Variants in PDGFD observed in about 807,000 individuals in gnomAD.
PDGFD encodes the protein platelet derived growth factor D, also known as platelet-derived growth factor D.
PDGFD carries 30 observed loss-of-function variants against 44.7 expected under a neutral mutation model. That is an observed-to-expected ratio of 0.67 (90% confidence interval 0.50 to 0.91). The LOEUF (loss-of-function observed/expected upper bound fraction) is 0.91, where lower values mean the gene tolerates loss of function less well. Ranked by LOEUF, PDGFD falls within the 40% of genes least tolerant of loss-of-function variation. The pLI, the probability that PDGFD is intolerant of heterozygous loss-of-function variation, is 0.00. For synonymous variants in PDGFD, 173 were observed against 168.4 expected (o/e 1.03, Z -0.21); for missense variants, 445 against 457.8 (o/e 0.97, Z 0.25).
At chr11:103,993,683 T>G (rs1859493133) in intron 3 of PDGFD, among the ~76,000 whole-genome samples, 1 of 152,174 alleles carries the variant, frequency 6.6e-6, no homozygotes, top group Non-Finnish European at 1.5e-5. Flanking sequence ...GATCTATCCC[T>G]GCTGAGCCAA....
At chr11:104,148,957 A>T (rs1159577174) in intron 1 of PDGFD, among the ~76,000 whole-genome samples, 1 of 152,176 alleles carries the variant, frequency 6.6e-6, no homozygotes, top group African/African-American at 2.4e-5. Context: ...TCCATGGTGT[A>T]TATGTACCAA....
rs541217644 is a variant in PDGFD at position 104,132,505 on chromosome 11, A to T, written c.124+31299T>A. On this transcript the variant is annotated intron_variant, in intron 1 of 6. Coordinates refer to ENST00000393158, the MANE Select transcript of PDGFD (RefSeq NM_025208.5). ...CTTTAAGTGGGGGCTCTTCTTTCAC[A>T]GTGATTTCTTCCTGGCATCTACTAC... Among the ~76,000 whole-genome samples, 3 of 152,136 alleles carry T rather than the reference A, an allele frequency of 2.0e-5. No individual in the cohort carries two copies. The South Asian group carries it at 6.2e-4, about 32-fold the overall frequency.
At chr11:104,126,407 A>G (rs1861842396) in intron 1 of PDGFD, among the ~76,000 whole-genome samples, 1 of 152,162 alleles carries the variant, frequency 6.6e-6, no homozygotes, top group Non-Finnish European at 1.5e-5. Context: ...TATCAGTTTT[A>G]CCAGTTTATC....
intron 6 of PDGFD, among the ~76,000 whole-genome samples, chr11:103,920,336 G>A (rs1257912095): frequency 6.6e-6 from 1 of 152,240 alleles, no homozygotes; most frequent in Non-Finnish European, 1.5e-5. Context: ...GAACTAAATA[G>A]TTAAATGATT....
intron 1 of PDGFD, among the ~76,000 whole-genome samples, chr11:104,116,988 T>C (rs992583997): frequency 1.3e-5 from 2 of 151,978 alleles, no homozygotes. Flanking sequence ...GTCTCGAGTA[T>C]GTCTTTATTA....
rs1383322929 is a variant in PDGFD at position 104,032,157 on chromosome 11, T to C, written c.125-31902A>G. Among the ~76,000 whole-genome samples the C allele has an allele frequency of 2.7e-5, 4 of 150,664 alleles. No homozygotes were observed. The East Asian group carries it at 5.8e-4, about 22-fold the overall frequency. ...ATGTACCCTAGAACTTAAAATAAAT[T>C]AAAAAGAAATAAACACAGATATATA... On this transcript the variant is annotated intron_variant, in intron 1 of 6. Coordinates refer to ENST00000393158, the MANE Select transcript of PDGFD (RefSeq NM_025208.5).
chr11:104,164,070 C>T lies in PDGFD; in HGVS notation c.-143G>A. 2.3e-6 allele frequency: 2 copies of T among 874,606 alleles called. No individual in the cohort carries two copies. The highest frequency in any genetic ancestry group is 3.3e-5 in the Admixed American group (1 of 30,510). The allele number at this position is 874,606 out of a possible 1,614,324, so 54.2% of individuals were successfully genotyped here. A position where few individuals can be genotyped will look rare whatever the true frequency, so the allele number is the denominator to read the frequency against. On this transcript the variant is annotated 5_prime_UTR_variant, in exon 1 of 7. Coordinates refer to ENST00000393158, the MANE Select transcript of PDGFD (RefSeq NM_025208.5). ...TCGCTGTGCTAATCGCCGAGCTCTC[C>T]CCAAACTTCCTGCATGCTGAACTTT...
intron 6 of PDGFD, among the ~76,000 whole-genome samples, chr11:103,910,110 A>G (rs747151579): frequency 1.4e-4 from 22 of 152,128 alleles, no homozygotes; most frequent in Non-Finnish European, 2.6e-4. Context: ...ATAGCTTTCT[A>G]AGGGCCTGCT....
intron 1 of PDGFD, among the ~76,000 whole-genome samples, chr11:104,021,121 G>C (rs1859943967): frequency 6.6e-6 from 1 of 152,110 alleles, no homozygotes; most frequent in Non-Finnish European, 1.5e-5. Flanking sequence ...AAAAGCAAAG[G>C]GTTCATGCAA....
intron 1 of PDGFD, among the ~76,000 whole-genome samples, chr11:104,140,353 C>T (rs1183816546): frequency 6.6e-6 from 1 of 152,056 alleles, no homozygotes; most frequent in African/African-American, 2.4e-5. Context: ...CAGATTCACA[C>T]ATAAACATTC....
At chr11:103,944,957 T>C (rs1858647709) in intron 4 of PDGFD, among the ~76,000 whole-genome samples, 2 of 152,172 alleles carry the variant, frequency 1.3e-5, no homozygotes, top group Admixed American at 1.3e-4. Flanking sequence ...ATTTTTTTTT[T>C]CTTTTACAAG....
At chr11:104,145,754 C>G (rs1370761281) in intron 1 of PDGFD, among the ~76,000 whole-genome samples, 1 of 151,980 alleles carries the variant, frequency 6.6e-6, no homozygotes, top group Non-Finnish European at 1.5e-5. Flanking sequence ...AAGTCCTGAC[C>G]CCCGAGTGTG....
chr11:104,039,123 C>T (rs1307207989), intron 1 of PDGFD: 1 of 166,960 alleles, frequency 6.0e-6, no homozygotes, highest in East Asian at 1.9e-4. Context: ...TTCCTGAGGC[C>T]ATCAGATGCA....
At chr11:104,155,712 T>C (rs2119919595) in intron 1 of PDGFD, among the ~76,000 whole-genome samples, 1 of 152,324 alleles carries the variant, frequency 6.6e-6, no homozygotes, top group East Asian at 1.9e-4. Context: ...TGCATATTGG[T>C]TAGTTCATTT....
rs1190082719 is a variant in PDGFD at position 103,909,386 on chromosome 11, T to C, written c.*308A>G. 4.4e-5 allele frequency: 8 copies of C among 180,612 alleles called. No homozygotes were observed. Among genetic ancestry groups the C allele is most frequent in the African/African-American group, 2.3e-4 (8 of 34,198 alleles). 11.2% of individuals were successfully genotyped at this position (180,612 alleles called of 1,614,324 possible). On this transcript the variant is annotated 3_prime_UTR_variant, in exon 7 of 7. Coordinates refer to ENST00000393158, the MANE Select transcript of PDGFD (RefSeq NM_025208.5). ...ATGTAAGCTCTGGTGTACCTGGTTATATATACCAAAAAAAACATTTGATCT... is the reference window on the plus strand; with the variant it reads ...ATGTAAGCTCTGGTGTACCTGGTTACATATACCAAAAAAAACATTTGATCT...
At chr11:104,024,380 G>A (rs1860009727) in intron 1 of PDGFD, among the ~76,000 whole-genome samples, 1 of 152,118 alleles carries the variant, frequency 6.6e-6, no homozygotes, top group Non-Finnish European at 1.5e-5. Flanking sequence ...AGGAACCACA[G>A]TGAGTTGACT....
At chr11:104,091,049 G>A (rs1200604561) in intron 1 of PDGFD, among the ~76,000 whole-genome samples, 1 of 152,118 alleles carries the variant, frequency 6.6e-6, no homozygotes, top group African/African-American at 2.4e-5. Context: ...GGGCCTCTAA[G>A]CCAGCTAAAA....
intron 1 of PDGFD, chr11:104,037,134 G>T (rs776400594): frequency 1.2e-6 from 2 of 1,613,660 alleles, no homozygotes; most frequent in East Asian, 2.2e-5. Flanking sequence ...TGCCTGGGAC[G>T]TCCAGCTCCC....
chr11:104,153,877 A>G (rs1862274266), intron 1 of PDGFD, among the ~76,000 whole-genome samples: 1 of 152,100 alleles, frequency 6.6e-6, no homozygotes, highest in African/African-American at 2.4e-5. Flanking sequence ...GATCCTCCAG[A>G]GAGAAGCAGT....
Sources: allele counts gnomAD v4.1 joint callset (sites outside exome capture counted in the v4.1 genomes callset), GRCh38; gene constraint gnomAD v4.1.1; transcripts MANE v1.5; gene names NCBI Gene and HGNC (gene_info 2026-07-23, HGNC 2026-07-21).